PRSS50: variants seen among roughly 807,000 people sequenced by gnomAD.
The protein encoded by PRSS50 is probable threonine protease PRSS50.
In PRSS50, 23 loss-of-function variants were observed where a neutral mutation model predicts 34.2. The observed-to-expected ratio is 0.67, with a 90% CI of 0.48 to 0.95. The LOEUF (loss-of-function observed/expected upper bound fraction) is 0.95. Among genes scored for constraint, PRSS50 ranks in the 40% least tolerant of loss-of-function variants. The pLI is 0.00. For missense variants in PRSS50, 484 were observed against 513.4 expected (o/e 0.94, Z 0.55); for synonymous variants, 224 against 211.2 (o/e 1.06, Z -0.53).
rs773889269 is a variant in PRSS50 at position 46,715,529 on chromosome 3, A to C, written c.470+6T>G. ...CTCCACCCACCCCACCTCAGCCTTGACTCACCAGATCAGGCAGTGGGCCAC... is the reference window on the plus strand; with the variant it reads ...CTCCACCCACCCCACCTCAGCCTTGCCTCACCAGATCAGGCAGTGGGCCAC... On this transcript the variant is annotated splice_donor_region_variant and intron_variant, in intron 3 of 5. Transcript: ENST00000315170. This position sits in a 1 kb window ranked among gnomAD's most constrained non-coding sequence, Gnocchi z 5.2. 1.2e-6 allele frequency: 2 copies of C among 1,608,892 alleles called. No homozygotes were observed. The highest frequency in any genetic ancestry group is 1.7e-6 in the Non-Finnish European group (2 of 1,175,942).
chr3:46,714,526 A>G, intron 3 of PRSS50, 25 bp from the exon 4 acceptor site: 1 of 1,538,636 alleles, frequency 6.5e-7, no homozygotes, highest in Non-Finnish European at 8.7e-7. Context: ...AGGGGAGGCC[A>G]TGATCAGCTC....
chr3:46,714,975 A>C (rs1700661581), intron 3 of PRSS50, among the ~76,000 whole-genome samples: 1 of 152,150 alleles, frequency 6.6e-6, no homozygotes, highest in African/African-American at 2.4e-5. Context: ...TTAGGCCTGG[A>C]ACACATTTCA....
chr3:46,714,956 T>C (rs1017431004), intron 3 of PRSS50, among the ~76,000 whole-genome samples: 4 of 152,220 alleles, frequency 2.6e-5, no homozygotes, highest in Non-Finnish European at 4.4e-5. Flanking sequence ...GGAGTCTGTA[T>C]GTTGGCCCTT....
intron 4 of PRSS50, 92 bp downstream of exon 4, chr3:46,714,126 G>A: frequency 6.7e-7 from 1 of 1,482,246 alleles, no homozygotes. Flanking sequence ...TGGGGAAGGT[G>A]CCTCAGAAAC....
intron 3 of PRSS50, among the ~76,000 whole-genome samples, chr3:46,714,879 A>C (rs1210789875): frequency 6.6e-6 from 1 of 151,046 alleles, no homozygotes; most frequent in Non-Finnish European, 1.5e-5. Context: ...AGGCAATTCT[A>C]CTCCTTCCAG....
chr3:46,712,434 G>C lies in PRSS50; in HGVS notation c.970C>G (p.Leu324Val), dbSNP rs1176281812. The part of the protein sequence containing the change: ...LVCSMEGTWY[L>V]VGLVSWGAGC... ...GCACCCCAGCTCACCAATCCCACCA[G>C]GTACCACGTGCCCTCCATGGAGCAG... Residue 324 changes from leucine to valine, a missense_variant, in exon 6 of 6, where the codon CTG (leucine) becomes GTG (valine). Coordinates refer to ENST00000315170, the MANE Select transcript of PRSS50 (RefSeq NM_013270.5). 1 of 1,614,080 alleles carries C rather than the reference G, an allele frequency of 6.2e-7. No homozygotes were observed. The highest frequency in any genetic ancestry group is 8.5e-7 in the Non-Finnish European group (1 of 1,179,996).
Position 46,712,294 on chromosome 3 carries a change from G to A in PRSS50, c.1110C>T (p.Thr370=). The A allele has an allele frequency of 1.2e-6, 2 of 1,613,070 alleles. No homozygotes were observed. Among genetic ancestry groups the A allele is most frequent in the East Asian group, 2.2e-5 (1 of 44,838 alleles). ...GGGGCAGTGGGAGTGCCAGGAGCAG[G>A]GTCCTGGATGGGGCTGGCAGGGCCA... ...QALALPAPSR[T]LLLALPLPLS... is the part of the protein sequence containing the mutation. The change falls in exon 6 of 6, where the codon ACC becomes ACT. Residue 370 remains threonine (T), a synonymous_variant. Transcript: ENST00000315170.
rs762283632 is a variant in PRSS50 at position 46,717,484 on chromosome 3, A to G, written c.260T>C (p.Met87Thr). 88 of 1,613,126 alleles carry G rather than the reference A, an allele frequency of 5.5e-5. No individual in the cohort carries two copies. Among genetic ancestry groups the G allele is most frequent in the Non-Finnish European group, 7.0e-5 (83 of 1,179,848 alleles). Reference protein sequence around the residue: ...PTTQTLPSTTMETQFPVSEGK... With the variant: ...PTTQTLPSTTTETQFPVSEGK... ...TTCAGAAACTGGGAATTGGGTCTCCATGGTGGTCGAGGGCAGTGTCTGGGT... is the reference window on the plus strand; with the variant it reads ...TTCAGAAACTGGGAATTGGGTCTCCGTGGTGGTCGAGGGCAGTGTCTGGGT... Residue 87 changes from methionine to threonine, a missense_variant, in exon 2 of 6, where the codon ATG becomes ACG. Coordinates refer to ENST00000315170, the MANE Select transcript of PRSS50 (RefSeq NM_013270.5). This position sits in a 1 kb window ranked among gnomAD's most constrained non-coding sequence, Gnocchi z 4.5.
At chr3:46,712,825 C>T in intron 5 of PRSS50, 76 bp downstream of exon 5, 1 of 1,515,448 alleles carries the variant, frequency 6.6e-7, no homozygotes, top group South Asian at 1.2e-5. Flanking sequence ...CCAACCTCCA[C>T]CGTTCCGCTC....
intron 5 of PRSS50, 109 bp downstream of exon 5, chr3:46,712,792 C>T: frequency 8.7e-7 from 1 of 1,154,346 alleles, no homozygotes. Context: ...CAGAGTCCTG[C>T]CCACCCCCTT....
chr3:46,712,809 C>T (rs1219018684), intron 5 of PRSS50, 92 bp downstream of exon 5: 1 of 1,447,032 alleles, frequency 6.9e-7, no homozygotes, highest in Non-Finnish European at 9.5e-7. Flanking sequence ...CCTTCCCTTC[C>T]CCTACCCAAC....
intron 4 of PRSS50, 85 bp from the exon 5 acceptor site, chr3:46,713,152 C>G (rs1559498393): frequency 6.7e-7 from 1 of 1,495,358 alleles, no homozygotes. Context: ...CACTGTTCCC[C>G]ACGTCCCACC....
rs1700638707 is a variant in PRSS50 at position 46,712,962 on chromosome 3, A to AAGT, written c.859_860insACT (p.Val287delinsAspPhe). On this transcript the variant is annotated protein_altering_variant, in exon 5 of 6. Coordinates refer to ENST00000315170, the MANE Select transcript of PRSS50 (RefSeq NM_013270.5). ...CATCATCTGGGACTTGATGATCTGA[A>AAGT]CCAGAGTGGGGATTTTGGTGAAGTT... The AAGT allele has an allele frequency of 2.5e-6, 4 of 1,614,018 alleles. No individual in the cohort carries two copies. In the South Asian group the frequency reaches 4.4e-5, roughly 18 times the overall value.
Position 46,714,458 on chromosome 3 carries a change from C to A in PRSS50, c.514G>T (p.Asp172Tyr). The A allele has an allele frequency of 6.2e-7, 1 of 1,607,414 alleles. No individual in the cohort carries two copies. The highest frequency in any genetic ancestry group is 1.1e-5 in the South Asian group (1 of 89,844). The part of the protein sequence containing the change: ...YSVRVGSPWI[D>Y]QMTQTASDVP... Reference sequence around the variant, plus strand: ...TCGGAGGCGGTCTGCGTCATCTGGTCAATCCACGGACTCCCCACCCTCACT... The same window carrying A: ...TCGGAGGCGGTCTGCGTCATCTGGTAAATCCACGGACTCCCCACCCTCACT... Residue 172 changes from aspartate (D) to tyrosine (Y), a missense_variant, in exon 4 of 6, where the codon GAC becomes TAC. By Grantham distance (160) the Asp-to-Tyr change is radical. Coordinates refer to ENST00000315170, the MANE Select transcript of PRSS50 (RefSeq NM_013270.5).
intron 4 of PRSS50, 36 bp downstream of exon 4, chr3:46,714,182 C>T (rs1366458010): frequency 1.3e-5 from 20 of 1,595,142 alleles, no homozygotes; most frequent in Non-Finnish European, 1.7e-5. Flanking sequence ...TCCTTTCTCA[C>T]AGCACCCGCC....
Position 46,712,363 on chromosome 3 carries a change from G to A in PRSS50, c.1041C>T (p.Ser347=), listed in dbSNP as rs1402827556. ...AGTCCCAGATCCAGTGTTGGTAGGA[G>A]GAGACCTGTAGGTAGATGGGTGGGG... ...SEAPPIYLQV[S]SYQHWIWDCL... The change falls in exon 6 of 6, where the codon TCC becomes TCT. Residue 347 remains serine (S), a synonymous_variant. Coordinates refer to ENST00000315170, the MANE Select transcript of PRSS50 (RefSeq NM_013270.5). 5 of 1,613,854 alleles carry A rather than the reference G, an allele frequency of 3.1e-6. No individual in the cohort carries two copies. The highest frequency in any genetic ancestry group is 1.3e-5 in the African/African-American group (1 of 74,894).
rs1303206221 is a variant in PRSS50, at chr3:46,716,085, C to T, written c.308-388G>A. ...CTTCAGCCAAGGCAGAGCTCTCTCC[C>T]TCCTCTGGGAACCCCTTTCTGTGGC... On this transcript the variant is annotated intron_variant, in intron 2 of 5. Transcript: ENST00000315170. The surrounding 1 kb of genome is among the most constrained non-coding windows in gnomAD (Gnocchi z 4.4). Among the ~76,000 whole-genome samples, 1 of 152,208 alleles carries T rather than the reference C, an allele frequency of 6.6e-6. No homozygotes were observed. Among genetic ancestry groups the T allele is most frequent in the East Asian group, 1.9e-4 (1 of 5,192 alleles).
intron 4 of PRSS50, among the ~76,000 whole-genome samples, chr3:46,713,834 G>A (rs369656760): frequency 1.3e-5 from 2 of 152,364 alleles, no homozygotes; most frequent in East Asian, 3.9e-4. Flanking sequence ...TGGGCCTTCT[G>A]GGCAGCATTT....
In PRSS50 at chr3:46,713,805, C is replaced by T. The variant is rs183510668; in HGVS notation, c.754+413G>A. 3.7e-4 allele frequency among the ~76,000 whole-genome samples: 57 copies of T among 152,350 alleles called. 3 individuals are homozygous for T. The East Asian group carries it at 0.01, about 27-fold the overall frequency. ...GGAAACCATGAGCTCCAGCTGCAGA[C>T]GGCCCCTAGCCAGCCATGTGGGCCT... On this transcript the variant is annotated intron_variant, in intron 4 of 5. Coordinates refer to ENST00000315170, the MANE Select transcript of PRSS50 (RefSeq NM_013270.5).
Sources: gnomAD v4.1 joint callset for allele counts (sites outside exome capture counted in the v4.1 genomes callset) on GRCh38, gnomAD v4.1.1 for gene constraint, Gnocchi (gnomAD v3.1) non-coding constraint, MANE v1.5 for transcripts, NCBI Gene and HGNC (gene_info 2026-07-23, HGNC 2026-07-21) for gene names.